The following TPR variants were observed in gnomAD, a reference collection of about 807,000 sequenced individuals.
The protein encoded by TPR is translocated promoter region, nuclear basket protein.
In TPR, 51 loss-of-function variants were observed where a neutral mutation model predicts 316.1. The observed-to-expected ratio is 0.16, with a 90% CI of 0.13 to 0.20. The LOEUF (loss-of-function observed/expected upper bound fraction) is 0.20. Ranked by LOEUF, TPR falls within the 10% of genes least tolerant of loss-of-function variation. The probability of loss-of-function intolerance (pLI) is 1.00; values close to 1 mark genes in which losing one functional copy is unlikely to be tolerated. For synonymous variants in TPR, 981 were observed against 914.7 expected, an observed-to-expected ratio of 1.07 and a Z score of -1.31; for missense variants, 2,272 against 2,754.8, an observed-to-expected ratio of 0.82 and a Z score of 3.92.
intron 17 of TPR, among the ~76,000 whole-genome samples, chr1:186,354,299 A>G (rs1658957751): frequency 6.6e-6 from 1 of 152,200 alleles, no homozygotes; most frequent in Admixed American, 6.5e-5. Flanking sequence ...TCTTATTTTT[A>G]AAAAATCAAT....
rs1458218767 is a variant in TPR at position 186,334,527 on chromosome 1, G to A, written c.4980C>T (p.Ser1660=). 10 of 1,612,292 alleles carry A rather than the reference G, an allele frequency of 6.2e-6. No homozygotes were observed. Among genetic ancestry groups the A allele is most frequent in the Non-Finnish European group, 5.9e-6 (7 of 1,178,944 alleles). ...TATTGGCTGTTGGTGGGTCTGATGT[G>A]CTGGCACTTATAGAGGAGAAAATGG... ...TPASGERGIA[S]TSDPPTANIK... The change falls in exon 36 of 51, where the codon AGC becomes AGT. Residue 1660 remains serine, a synonymous_variant. Coordinates refer to ENST00000367478, the MANE Select transcript of TPR (RefSeq NM_003292.3).
In TPR at chr1:186,350,362, T is replaced by A; in HGVS notation, c.2637A>T (p.Gln879His). ...LDVQLLDTKR[Q>H]LDTETNLHLN... ...GATGAAGATTTGTCTCTGTATCCAG[T>A]TGTCTCTTTGTATCTAAAAGTTGAA... Residue 879 changes from glutamine to histidine, a missense_variant, in exon 21 of 51, where the codon CAA (glutamine) becomes CAT (histidine). By Grantham distance (24) the Gln-to-His change is conservative. Around this residue, in one of 10 missense-constraint regions of TPR, gnomAD observed 757 missense variants for 859.8 expected, o/e 0.88. Coordinates refer to ENST00000367478, the MANE Select transcript of TPR (RefSeq NM_003292.3). The A allele has an allele frequency of 1.2e-6, 2 of 1,606,348 alleles. No homozygotes were observed. Among genetic ancestry groups the A allele is most frequent in the Non-Finnish European group, 1.7e-6 (2 of 1,176,868 alleles).
rs115430323 is a variant in TPR, at chr1:186,329,548, T to G, written c.5689-1888A>C. 5.9e-3 allele frequency among the ~76,000 whole-genome samples: 898 copies of G among 152,274 alleles called. 12 individuals are homozygous for G. The highest frequency in any genetic ancestry group is 0.02 in the African/African-American group (843 of 41,556). On this transcript the variant is annotated intron_variant, in intron 39 of 50. Transcript: ENST00000367478. ...AATCTGACACAATATTTTTAATAGT[T>G]TTGTGTATAAAATGAAGTTCTAACT...
chr1:186,355,788 A>G lies in TPR; in HGVS notation c.1889-20T>C. 4 of 1,609,444 alleles carry G rather than the reference A, an allele frequency of 2.5e-6. No homozygotes were observed. Among genetic ancestry groups the G allele is most frequent in the Non-Finnish European group, 3.4e-6 (4 of 1,178,796 alleles). ...TTGAAGCTTCAGGAAAGTAAAGACT[A>G]ATAAAATGCTTTGTTGGCTTTCATA... On this transcript the variant is annotated intron_variant, in intron 15 of 50. Transcript: ENST00000367478.
intron 22 of TPR, among the ~76,000 whole-genome samples, 178 bp downstream of exon 22, chr1:186,347,114 A>G (rs1268426971): frequency 1.3e-5 from 2 of 152,204 alleles, no homozygotes; most frequent in Non-Finnish European, 2.9e-5. Flanking sequence ...TCCTTGCTTC[A>G]TGAATTTTGT....
intron 19 of TPR, 91 bp downstream of exon 19, chr1:186,351,885 T>C (rs1162711224): frequency 2.8e-6 from 4 of 1,433,728 alleles, no homozygotes; most frequent in African/African-American, 1.5e-5. Flanking sequence ...AAGTGATGGA[T>C]AAATTTTCTA....
At chr1:186,349,701 G>GA (rs1658800917) in intron 21 of TPR, among the ~76,000 whole-genome samples, 1 of 151,268 alleles carries the variant, frequency 6.6e-6, no homozygotes, top group African/African-American at 2.4e-5. Context: ...AAACCATATA[G>GA]AAAGATTATC....
At position 186,362,993 on chromosome 1, in the gene TPR, T is replaced by C. The variant is rs1212973457; in HGVS notation, c.540A>G (p.Glu180=). The change falls in exon 6 of 51, where the codon GAA becomes GAG. Residue 180 remains glutamate, a synonymous_variant. Coordinates refer to ENST00000367478, the MANE Select transcript of TPR (RefSeq NM_003292.3). ...QASDVSVKYR[E]KRLEQEKELL... ...ATTCCTTTTCTTGCTCCAAGCGTTT[T>C]TCTCGATACTAAAGAAATCCAAGAA... is the stretch of plus-strand genomic sequence containing the variant. The C allele has an allele frequency of 1.9e-6, 3 of 1,599,638 alleles. No homozygotes were observed. Among genetic ancestry groups the C allele is most frequent in the Non-Finnish European group, 2.5e-6 (3 of 1,177,010 alleles).
In TPR at chr1:186,353,455, G is replaced by A. The variant is rs187585044; in HGVS notation, c.2334+233C>T. ...ATTTATTTTGAAATGCAAGACTTGCGAGTATATCTTAGCCCAGCAGAAAAA... is the reference window on the plus strand; with the variant it reads ...ATTTATTTTGAAATGCAAGACTTGCAAGTATATCTTAGCCCAGCAGAAAAA... On this transcript the variant is annotated intron_variant, in intron 18 of 50. Transcript: ENST00000367478. Among the ~76,000 whole-genome samples, 35 of 151,754 alleles carry A rather than the reference G, an allele frequency of 2.3e-4. No homozygotes were observed. In the East Asian group the frequency reaches 6.6e-3, roughly 29 times the overall value.
rs1659094172 is a variant in TPR, at chr1:186,358,593, C to T, written c.1447G>A (p.Glu483Lys). Reference protein sequence around the residue: ...DKANKQSSVLERDNRRMEIQV... With the variant: ...DKANKQSSVLKRDNRRMEIQV... ...ATTTCCATTCTTCGATTATCTCTCT[C>T]AAGTACAGATGATTGCTTGTTGGCT... Residue 483 changes from glutamate (E) to lysine (K), a missense_variant, in exon 13 of 51, where the codon GAG becomes AAG. Glu to Lys is a moderately conservative substitution (Grantham distance 56, BLOSUM62 1). Coordinates refer to ENST00000367478, the MANE Select transcript of TPR (RefSeq NM_003292.3). The T allele has an allele frequency of 6.2e-7, 1 of 1,612,556 alleles. No individual in the cohort carries two copies. The highest frequency in any genetic ancestry group is 8.5e-7 in the Non-Finnish European group (1 of 1,179,318).
intron 39 of TPR, among the ~76,000 whole-genome samples, chr1:186,328,995 TA>T (rs1350344860): frequency 6.6e-6 from 1 of 152,052 alleles, no homozygotes; most frequent in Non-Finnish European, 1.5e-5. Flanking sequence ...AAAAAATGAG[TA>T]AGTCATGGTA....
intron 29 of TPR, 63 bp downstream of exon 29, chr1:186,340,965 A>G: frequency 6.4e-7 from 1 of 1,565,298 alleles, no homozygotes; most frequent in Non-Finnish European, 8.6e-7. Flanking sequence ...TTATTCCCCT[A>G]AGTTTCCCCT....
At chr1:186,357,959 G>A (rs962726085) in intron 13 of TPR, among the ~76,000 whole-genome samples, 1 of 152,062 alleles carries the variant, frequency 6.6e-6, no homozygotes, top group Non-Finnish European at 1.5e-5. Context: ...ATATGATAGG[G>A]CAGAGCATGA....
chr1:186,351,916 A>G, intron 19 of TPR, 60 bp downstream of exon 19: 1 of 1,523,064 alleles, frequency 6.6e-7, no homozygotes. Context: ...TTGAGAGGAT[A>G]AAAAAAATCT....
At chr1:186,347,557 A>T in intron 21 of TPR, 99 bp from the exon 22 acceptor site, 1 of 1,224,538 alleles carries the variant, frequency 8.2e-7, no homozygotes, top group East Asian at 2.5e-5. Context: ...GTTCAAATAC[A>T]GATATATTTA....
chr1:186,344,308 T>C (rs1157653760), intron 25 of TPR, 67 bp downstream of exon 25: 3 of 1,557,586 alleles, frequency 1.9e-6, no homozygotes, highest in East Asian at 2.3e-5. Flanking sequence ...CTCAAAACAT[T>C]ATAAAATAAA....
Position 186,349,615 on chromosome 1 carries a change from G to A in TPR, c.2776+608C>T, listed in dbSNP as rs182132656. On this transcript the variant is annotated intron_variant, in intron 21 of 50. Coordinates refer to ENST00000367478, the MANE Select transcript of TPR (RefSeq NM_003292.3). ...GCGGAGCTTGCAGTGAGCCGAGATC[G>A]CGCCACTGCACTCCAACCTGGGCAA... Among the ~76,000 whole-genome samples, 805 of 151,024 alleles carry A rather than the reference G, an allele frequency of 5.3e-3. 11 individuals carry two copies. The highest frequency in any genetic ancestry group is 0.019 in the African/African-American group (776 of 41,156).
Position 186,363,354 on chromosome 1 carries a change from A to G in TPR, c.519T>C (p.Asp173=), listed in dbSNP as rs759686590. 6.2e-7 allele frequency: 1 copy of G among 1,612,044 alleles called. No homozygotes were observed. Among genetic ancestry groups the G allele is most frequent in the South Asian group, 1.1e-5 (1 of 90,978 alleles). The change falls in exon 5 of 51, where the codon GAT becomes GAC. Residue 173 remains aspartate (D), a synonymous_variant. Transcript: ENST00000367478. The part of the protein sequence containing the change: ...QLKLDELQAS[D]VSVKYREKRL... ...ATCTGGTACTTGCCTTAACAGAAAC[A>G]TCAGAAGCTTGAAGTTCATCCAATT...
In TPR at chr1:186,317,475, G is replaced by A; in HGVS notation, c.6940+7C>T. On this transcript the variant is annotated splice_region_variant and intron_variant, in intron 49 of 50. Coordinates refer to ENST00000367478, the MANE Select transcript of TPR (RefSeq NM_003292.3). ...AAACTGTATTGCAGTCAAGGGCAGG[G>A]ACTCACCTACAGATGAGCTAGAAGG... 6.2e-7 allele frequency: 1 copy of A among 1,609,616 alleles called. No homozygotes were observed. Among genetic ancestry groups the A allele is most frequent in the East Asian group, 2.2e-5 (1 of 44,846 alleles).
Sources: gnomAD v4.1 joint callset for allele counts (sites outside exome capture counted in the v4.1 genomes callset) on GRCh38, gnomAD v4.1.1 for gene constraint, gnomAD v4.1.1 regional missense constraint, MANE v1.5 for transcripts, NCBI Gene and HGNC (gene_info 2026-07-23, HGNC 2026-07-21) for gene names.